SEZ6L: variants seen among roughly 807,000 people sequenced by gnomAD.
SEZ6L encodes seizure related 6 homolog like.
SEZ6L carries 37 observed loss-of-function variants against 106.2 expected under a neutral mutation model. The ratio of observed to expected loss-of-function variants is 0.35; its 90% CI spans 0.27 to 0.46. The LOEUF is 0.46. SEZ6L is among the 20% of genes least tolerant of loss of function. The pLI, the probability that SEZ6L is intolerant of heterozygous loss-of-function variation, is 1.00. For missense variants in SEZ6L, 1,172 were observed against 1,332.8 expected (o/e 0.88, Z 1.88); for synonymous variants, 541 against 570.4 (o/e 0.95, Z 0.73).
intron 9 of SEZ6L, among the ~76,000 whole-genome samples, chr22:26,324,509 G>A (rs994616983): frequency 6.6e-6 from 1 of 152,178 alleles, no homozygotes; most frequent in Non-Finnish European, 1.5e-5. Context: ...TTCAAACAGA[G>A]ATATAGCTGC....
At chr22:26,351,861 TA>T (rs2083293060) in intron 12 of SEZ6L, among the ~76,000 whole-genome samples, 2 of 152,028 alleles carry the variant, frequency 1.3e-5, no homozygotes, top group Non-Finnish European at 2.9e-5. Flanking sequence ...GATTTCATTT[TA>T]AGAAGAGGAT....
chr22:26,334,537 G>A (rs1183323829), intron 9 of SEZ6L, among the ~76,000 whole-genome samples: 1 of 152,170 alleles, frequency 6.6e-6, no homozygotes, highest in Non-Finnish European at 1.5e-5. Context: ...TCTGTTGAGG[G>A]AGCAGATCTG....
intron 1 of SEZ6L, among the ~76,000 whole-genome samples, chr22:26,188,193 G>A (rs134763): frequency 0.045 from 6,816 of 152,170 alleles, 491 homozygotes; most frequent in African/African-American, 0.15. Context: ...CTGAGTTAGG[G>A]GCATCGCATT....
chr22:26,256,962 A>G (rs2079842196), intron 1 of SEZ6L, among the ~76,000 whole-genome samples: 2 of 152,026 alleles, frequency 1.3e-5, no homozygotes, highest in Admixed American at 1.3e-4. Context: ...ACTCCTGAGC[A>G]TGATCATCAG....
rs1198410724 is a variant in SEZ6L, at chr22:26,313,909, G to A, written c.2015+7G>A. On this transcript the variant is annotated splice_region_variant and intron_variant, in intron 9 of 16. Coordinates refer to ENST00000248933, the MANE Select transcript of SEZ6L (RefSeq NM_021115.5). ...TCTTCTTAGATATCCAGTTGTGAGT[G>A]TTTAAAATGGGTGGCCCTCTAATTT... 1.3e-6 allele frequency: 2 copies of A among 1,586,540 alleles called. No homozygotes were observed. Among genetic ancestry groups the A allele is most frequent in the East Asian group, 2.3e-5 (1 of 44,034 alleles).
chr22:26,281,804 C>G (rs2080778965), intron 1 of SEZ6L, among the ~76,000 whole-genome samples: 1 of 152,166 alleles, frequency 6.6e-6, no homozygotes, highest in Admixed American at 6.5e-5. Context: ...TACCCCTGCC[C>G]ACCCCTCTGG....
intron 14 of SEZ6L, among the ~76,000 whole-genome samples, chr22:26,375,089 G>T (rs954658150): frequency 2.0e-5 from 3 of 151,978 alleles, no homozygotes; most frequent in Admixed American, 2.0e-4. Context: ...GAATCCCTTA[G>T]AAACCTTGCG....
intron 1 of SEZ6L, among the ~76,000 whole-genome samples, chr22:26,277,653 G>A (rs528066514): frequency 8.5e-5 from 13 of 152,130 alleles, no homozygotes; most frequent in Non-Finnish European, 1.9e-4. Context: ...TCTACAATCC[G>A]TCACTTAAAG....
intron 1 of SEZ6L, among the ~76,000 whole-genome samples, chr22:26,177,405 A>T (rs995467932): frequency 6.6e-6 from 1 of 152,268 alleles, no homozygotes; most frequent in African/African-American, 2.4e-5. Context: ...TAGGCCATTC[A>T]TCGGGTCCTC....
chr22:26,279,352 G>T (rs781269879), intron 1 of SEZ6L, among the ~76,000 whole-genome samples: 1 of 152,156 alleles, frequency 6.6e-6, no homozygotes, highest in Non-Finnish European at 1.5e-5. Flanking sequence ...CCCAGCCACC[G>T]ACTCTGAGAG....
At chr22:26,370,098 C>A (rs911913188) in intron 13 of SEZ6L, among the ~76,000 whole-genome samples, 16 of 151,818 alleles carry the variant, frequency 1.1e-4, no homozygotes, top group African/African-American at 3.6e-4. Context: ...TTTTAAGAAA[C>A]CTTGGCCGGC....
At chr22:26,365,778 A>ATGGGAGGATCACCTGAGCC (rs1568948695) in intron 13 of SEZ6L, among the ~76,000 whole-genome samples, 3 of 150,106 alleles carry the variant, frequency 2.0e-5, no homozygotes, top group Non-Finnish European at 4.5e-5. Context: ...GGAGGCTGAG[A>ATGGGAGGATCACCTGAGCC]TGGGAGGATC....
At chr22:26,263,270 C>T (rs1314542806) in intron 1 of SEZ6L, among the ~76,000 whole-genome samples, 1 of 152,242 alleles carries the variant, frequency 6.6e-6, no homozygotes, top group Non-Finnish European at 1.5e-5. Flanking sequence ...AGTATGTTTA[C>T]TTCTCTGAGC....
Position 26,292,654 on chromosome 22 carries a change from C to A in SEZ6L, c.343C>A (p.Pro115Thr). 6.2e-7 allele frequency: 1 copy of A among 1,613,330 alleles called. No homozygotes were observed. Among genetic ancestry groups the A allele is most frequent in the South Asian group, 1.1e-5 (1 of 90,992 alleles). ...EEARPKHALPPKKKLPSLKQV... is the reference protein window; with the variant it reads ...EEARPKHALPTKKKLPSLKQV... ...GGCCCGCCCCAAGCACGCCTTGCCCCCCAAGAAGAAACTGCCTTCGCTCAA... is the reference window on the plus strand; with the variant it reads ...GGCCCGCCCCAAGCACGCCTTGCCCACCAAGAAGAAACTGCCTTCGCTCAA... The change falls in exon 2 of 17, where the codon CCC (proline) becomes ACC (threonine). Residue 115 changes from proline (P) to threonine (T), a missense_variant. By Grantham distance (38) the Pro-to-Thr change is conservative. Transcript: ENST00000248933.
chr22:26,304,351 CAAA>C lies in SEZ6L; in HGVS notation c.1349-1617_1349-1615del, dbSNP rs1235240481. On this transcript the variant is annotated intron_variant, in intron 5 of 16. Transcript: ENST00000248933. ...TGGGTGACAGAGCAAGAGTTTGTCT[CAAA>C]AAAAAAAAAAGAAAGAAGAAAGAAA... Among the ~76,000 whole-genome samples, 61 of 36,562 alleles carry C rather than the reference CAAA, an allele frequency of 1.7e-3. 1 individual carries two copies. Among genetic ancestry groups the C allele is most frequent in the South Asian group, 2.4e-3 (3 of 1,276 alleles). 24.0% of individuals were successfully genotyped at this position (36,562 alleles called of 152,430 possible).
Position 26,169,616 on chromosome 22 carries a change from C to A in SEZ6L, c.-54C>A. The A allele has an allele frequency of 1.6e-6, 1 of 640,070 alleles. No homozygotes were observed. Among genetic ancestry groups the A allele is most frequent in the South Asian group, 3.2e-5 (1 of 31,656 alleles). 39.6% of individuals were successfully genotyped at this position (640,070 alleles called of 1,614,324 possible). A position where few individuals can be genotyped will look rare whatever the true frequency, so the allele number is the denominator to read the frequency against. ...TCACCGCCGCCCTCCTTCCCCAGCTCCCTCGCCGTCCGCCCGCCCCACAGC... is the reference window on the plus strand; with the variant it reads ...TCACCGCCGCCCTCCTTCCCCAGCTACCTCGCCGTCCGCCCGCCCCACAGC... On this transcript the variant is annotated 5_prime_UTR_variant, in exon 1 of 17. Coordinates refer to ENST00000248933, the MANE Select transcript of SEZ6L (RefSeq NM_021115.5).
At chr22:26,322,593 G>A (rs151125218) in intron 9 of SEZ6L, among the ~76,000 whole-genome samples, 1 of 152,294 alleles carries the variant, frequency 6.6e-6, no homozygotes, top group East Asian at 1.9e-4. Context: ...CCAGTTGCCC[G>A]GAGTTAATGG....
chr22:26,225,548 G>A (rs1457181752), intron 1 of SEZ6L, among the ~76,000 whole-genome samples: 19 of 152,178 alleles, frequency 1.2e-4, no homozygotes, highest in African/African-American at 4.6e-4. Context: ...TAGATGACTC[G>A]AAGAAGAAAG....
intron 12 of SEZ6L, among the ~76,000 whole-genome samples, chr22:26,352,436 A>T (rs1487781003): frequency 6.6e-6 from 1 of 152,176 alleles, no homozygotes; most frequent in Non-Finnish European, 1.5e-5. Context: ...GGGGGGAAAA[A>T]AAGAAAAGAA....
Sources: allele counts gnomAD v4.1 joint callset (sites outside exome capture counted in the v4.1 genomes callset), GRCh38; gene constraint gnomAD v4.1.1; transcripts MANE v1.5; gene names NCBI Gene and HGNC (gene_info 2026-07-23, HGNC 2026-07-21).